Variants in ANKRD26 observed in about 807,000 individuals in gnomAD.
ANKRD26 encodes the protein ankyrin repeat domain-containing protein 26.
In ANKRD26, 141 loss-of-function variants were observed where a neutral mutation model predicts 208.7. The observed-to-expected ratio is 0.68, with a 90% CI of 0.59 to 0.78. The LOEUF is 0.78. Ranked by LOEUF, ANKRD26 falls within the 30% of genes least tolerant of loss-of-function variation. The pLI is 0.00. For synonymous variants in ANKRD26, 636 were observed against 660.4 expected, an observed-to-expected ratio of 0.96 and a Z score of 0.57; for missense variants, 1,889 against 1,938.7, an observed-to-expected ratio of 0.97 and a Z score of 0.48.
Position 27,061,272 on chromosome 10 carries a change from T to C in ANKRD26, c.1364-30A>G, listed in dbSNP as rs11015497. On this transcript the variant is annotated intron_variant, in intron 12 of 33. Transcript: ENST00000376087. ...GAAATAATACATAATAAGCTTTCAA[T>C]ATTGTAATATTTATCAAAAGGAAAA... is the stretch of plus-strand genomic sequence containing the variant. The C allele has an allele frequency of 0.064, 91,169 of 1,422,908 alleles. 3,264 individuals are homozygous for C. The highest frequency in any genetic ancestry group is 0.13 in the African/African-American group (9,294 of 70,838). 88.1% of individuals were successfully genotyped at this position (1,422,908 alleles called of 1,614,324 possible). A position where few individuals can be genotyped will look rare whatever the true frequency, so the allele number is the denominator to read the frequency against.
chr10:26,950,059 C>T, the ANKRD26 span, among the ~76,000 whole-genome samples: 4 of 152,238 alleles, frequency 2.6e-5, no homozygotes, highest in East Asian at 3.9e-4. Flanking sequence ...ACAGTTTGGA[C>T]GTCCCCTCCA....
At chr10:27,028,393 G>A (rs939744660) in intron 27 of ANKRD26, among the ~76,000 whole-genome samples, 3 of 151,782 alleles carry the variant, frequency 2.0e-5, no homozygotes, top group South Asian at 2.1e-4. Context: ...TCAGGAGATC[G>A]AGACCATCCT....
chr10:27,031,021 G>C (rs1936005474), intron 25 of ANKRD26, among the ~76,000 whole-genome samples: 1 of 152,184 alleles, frequency 6.6e-6, no homozygotes, highest in Admixed American at 6.5e-5. Flanking sequence ...ACTAGACAAA[G>C]AGTGCTAAAA....
chr10:26,995,939 C>G (rs953891678), intron 4 of ANKRD26, among the ~76,000 whole-genome samples: 1 of 152,032 alleles, frequency 6.6e-6, no homozygotes, highest in Non-Finnish European at 1.5e-5. Flanking sequence ...TTCTGTGCAC[C>G]CTTTAGGCAT....
At chr10:27,084,145 G>A (rs1365757197) in intron 5 of ANKRD26, among the ~76,000 whole-genome samples, 2 of 150,666 alleles carry the variant, frequency 1.3e-5, no homozygotes, top group African/African-American at 2.5e-5. Context: ...CCCAGAAGGC[G>A]GAGGTTGCAG....
At chr10:27,070,543 G>A (rs1364541496) in intron 9 of ANKRD26, among the ~76,000 whole-genome samples, 1 of 152,216 alleles carries the variant, frequency 6.6e-6, no homozygotes, top group African/African-American at 2.4e-5. Flanking sequence ...GAGTTTTAGA[G>A]ATGAATGAAT....
chr10:26,978,035 C>G (rs146116567), intron 5 of ANKRD26, among the ~76,000 whole-genome samples: 34 of 152,298 alleles, frequency 2.2e-4, no homozygotes, highest in African/African-American at 8.2e-4. Context: ...TCTATGCATG[C>G]CTGAATAAGA....
At position 27,092,450 on chromosome 10, in the gene ANKRD26, T is replaced by C; in HGVS notation, c.594A>G (p.Leu198=). 6.2e-7 allele frequency: 1 copy of C among 1,613,718 alleles called. No homozygotes were observed. Among genetic ancestry groups the C allele is most frequent in the Non-Finnish European group, 8.5e-7 (1 of 1,179,888 alleles). The change falls in exon 4 of 34, where the codon TTA becomes TTG. Residue 198 remains leucine (L), a synonymous_variant. Transcript: ENST00000376087. The stretch of plus-strand genomic sequence containing the variant: ...CATTTACATTTGCTTTTTTCTTTAT[T>C]AAAAATTCCACCATTTGCTGCTTTT... ...SGKKQQMVEF[L]IKKKANVNAV... is the part of the protein sequence containing the mutation.
chr10:27,049,467 T>G lies in ANKRD26; in HGVS notation c.1636-488A>C, dbSNP rs1415293445. On this transcript the variant is annotated intron_variant, in intron 16 of 33. Transcript: ENST00000376087. ...TTTTCCCCAGTGTCTTTTATAATTC[T>G]TTTTTTCGTTTGGATCCTGGGATAT... 4.6e-5 allele frequency among the ~76,000 whole-genome samples: 7 copies of G among 152,318 alleles called. 1 individual carries two copies. In the East Asian group the frequency reaches 1.2e-3, roughly 25 times the overall value.
At chr10:27,072,431 C>T (rs2055537160) in intron 9 of ANKRD26, among the ~76,000 whole-genome samples, 1 of 152,204 alleles carries the variant, frequency 6.6e-6, no homozygotes. Context: ...CTGCTTGCAC[C>T]CACATGTGGG....
chr10:26,959,012 C>G, the ANKRD26 span, among the ~76,000 whole-genome samples: 2 of 151,990 alleles, frequency 1.3e-5, no homozygotes, highest in African/African-American at 4.8e-5. Flanking sequence ...GAGATGGTAT[C>G]TCTTTGTGGT....
intron 15 of ANKRD26, among the ~76,000 whole-genome samples, chr10:27,057,348 A>G (rs931697158): frequency 3.9e-5 from 6 of 151,910 alleles, no homozygotes; most frequent in South Asian, 2.1e-4. Context: ...ACTTTGATTC[A>G]CTCAGCAATG....
chr10:27,012,509 A>G (rs1484936595), intron 32 of ANKRD26, among the ~76,000 whole-genome samples: 3 of 152,282 alleles, frequency 2.0e-5, no homozygotes, highest in African/African-American at 7.2e-5. Flanking sequence ...CAAATTAAAA[A>G]CAAGAATTAT....
chr10:26,952,759 C>G, the ANKRD26 span, among the ~76,000 whole-genome samples: 1 of 152,314 alleles, frequency 6.6e-6, no homozygotes, highest in South Asian at 2.1e-4. Flanking sequence ...CAGTAACCTA[C>G]CAATTGGACA....
the ANKRD26 span, among the ~76,000 whole-genome samples, chr10:26,953,658 C>A: frequency 6.6e-6 from 1 of 152,130 alleles, no homozygotes; most frequent in Non-Finnish European, 1.5e-5. Flanking sequence ...TAGTCTTATG[C>A]AACACTGAAT....
intron 15 of ANKRD26, among the ~76,000 whole-genome samples, chr10:27,054,226 T>A (rs2054763318): frequency 6.6e-6 from 1 of 152,196 alleles, no homozygotes; most frequent in South Asian, 2.1e-4. Flanking sequence ...ATAAACAGTC[T>A]TTATCTATTT....
In ANKRD26 at chr10:27,024,605, C is replaced by CT. The variant is rs773367226; in HGVS notation, c.3973-47dup. 1.2e-5 allele frequency: 13 copies of CT among 1,102,248 alleles called. No homozygotes were observed. The African/African-American group carries it at 1.7e-4, about 14-fold the overall frequency. The allele number at this position is 1,102,248 out of a possible 1,614,324, so 68.3% of individuals were successfully genotyped here. On this transcript the variant is annotated intron_variant, in intron 27 of 33. Coordinates refer to ENST00000376087, the MANE Select transcript of ANKRD26 (RefSeq NM_014915.3). ...AATTACTTTTAAAACTCTGGAAACA[C>CT]TTTTTTTCTTAAAACTATTATTTCT...
intron 5 of ANKRD26, among the ~76,000 whole-genome samples, chr10:26,976,636 T>G (rs1428533921): frequency 6.6e-6 from 1 of 152,240 alleles, no homozygotes; most frequent in African/African-American, 2.4e-5. Context: ...GAGGGCGGTT[T>G]GTTTGTAGCA....
At chr10:26,958,427 T>C in the ANKRD26 span, among the ~76,000 whole-genome samples, 734 of 152,192 alleles carry the variant, frequency 4.8e-3, 7 homozygotes, top group African/African-American at 0.017. Flanking sequence ...TTAGCTATTC[T>C]TGCTGATGCT....
Sources: allele counts gnomAD v4.1 joint callset (sites outside exome capture counted in the v4.1 genomes callset), GRCh38; gene constraint gnomAD v4.1.1; transcripts MANE v1.5; gene names NCBI Gene and HGNC (gene_info 2026-07-23, HGNC 2026-07-21).